Variants in MAGI1 observed in about 807,000 individuals in gnomAD.
The protein encoded by MAGI1 is membrane associated guanylate kinase, WW and PDZ domain containing 1.
A neutral mutation model predicts 139.9 loss-of-function variants in MAGI1; 58 were observed. The observed-to-expected ratio is 0.41, with a 90% CI of 0.34 to 0.52. The LOEUF (loss-of-function observed/expected upper bound fraction) is 0.52. Among genes scored for constraint, MAGI1 ranks in the 20% least tolerant of loss-of-function variants. The pLI is 0.12. For missense variants in MAGI1, 1,874 were observed against 1,901.6 expected (o/e 0.99, Z 0.27); for synonymous variants, 812 against 737.9 (o/e 1.10, Z -1.63).
chr3:65,595,448 T>C (rs190204391), intron 2 of MAGI1, among the ~76,000 whole-genome samples: 102 of 152,300 alleles, frequency 6.7e-4, no homozygotes, highest in Non-Finnish European at 1.2e-3. Flanking sequence ...GTAGTTCCAG[T>C]GGACACACCA....
intron 1 of MAGI1, among the ~76,000 whole-genome samples, chr3:65,945,658 T>C (rs1229824226): frequency 6.6e-6 from 1 of 152,228 alleles, no homozygotes; most frequent in Non-Finnish European, 1.5e-5. Flanking sequence ...AATGCCAAGG[T>C]GTAACCCATC....
At chr3:65,749,391 G>A (rs1179349578) in intron 1 of MAGI1, among the ~76,000 whole-genome samples, 1 of 152,114 alleles carries the variant, frequency 6.6e-6, no homozygotes, top group Non-Finnish European at 1.5e-5. Context: ...TGAGATGGGA[G>A]GCTATTATTC....
At chr3:65,626,663 A>T (rs1227525880) in intron 1 of MAGI1, among the ~76,000 whole-genome samples, 1 of 152,112 alleles carries the variant, frequency 6.6e-6, no homozygotes, top group African/African-American at 2.4e-5. Context: ...GTTTACACCT[A>T]AGCTTATATT....
intron 2 of MAGI1, among the ~76,000 whole-genome samples, chr3:65,608,588 C>A (rs1478699330): frequency 6.6e-6 from 1 of 151,742 alleles, no homozygotes; most frequent in Non-Finnish European, 1.5e-5. Flanking sequence ...AATGAGATAC[C>A]ACTGCACATC....
In MAGI1 at chr3:65,827,823, C is replaced by T. The variant is rs543679976; in HGVS notation, c.314-205735G>A. Among the ~76,000 whole-genome samples, 4 of 152,280 alleles carry T rather than the reference C, an allele frequency of 2.6e-5. No individual in the cohort carries two copies. In the South Asian group the frequency reaches 6.2e-4, roughly 24 times the overall value. On this transcript the variant is annotated intron_variant, in intron 1 of 22. Coordinates refer to ENST00000402939, the MANE Select transcript of MAGI1 (RefSeq NM_001033057.2). The stretch of plus-strand genomic sequence containing the variant: ...GTACTCAGAAGTATATTTATATTCA[C>T]ATTTATATAACATTTAAGTTATTTT...
chr3:65,455,341 C>A (rs1949320354), intron 5 of MAGI1, among the ~76,000 whole-genome samples: 1 of 152,154 alleles, frequency 6.6e-6, no homozygotes, highest in Non-Finnish European at 1.5e-5. Context: ...ACCTTCCAAC[C>A]ATTCCCCCCA....
intron 5 of MAGI1, among the ~76,000 whole-genome samples, chr3:65,460,031 G>A (rs541760259): frequency 3.3e-5 from 5 of 152,294 alleles, no homozygotes; most frequent in African/African-American, 1.2e-4. Flanking sequence ...TAAGTATAAC[G>A]TTGGTCATTG....
At chr3:65,543,228 G>A (rs112212236) in intron 2 of MAGI1, among the ~76,000 whole-genome samples, 17 of 152,222 alleles carry the variant, frequency 1.1e-4, no homozygotes, top group African/African-American at 3.9e-4. Context: ...TTAGAATGGC[G>A]ATCATTAAAA....
chr3:66,008,685 A>G (rs891699336), intron 1 of MAGI1: 5 of 141,670 alleles, frequency 3.5e-5, no homozygotes, highest in African/African-American at 1.2e-4. Context: ...ATGACTACAT[A>G]TTAAGTAGGA....
intron 2 of MAGI1, among the ~76,000 whole-genome samples, chr3:65,594,964 C>T (rs2082117676): frequency 1.3e-5 from 2 of 152,188 alleles, no homozygotes; most frequent in Admixed American, 1.3e-4. Context: ...TTATTGAAAT[C>T]ATTAAACAGG....
rs1455365390 is a variant in MAGI1 at position 65,825,832 on chromosome 3, A to G, written c.314-203744T>C. On this transcript the variant is annotated intron_variant, in intron 1 of 22. Transcript: ENST00000402939. ...GTGAAACCCCGTCTCCACTAAAAATATAAAAATTAGCCAGGCGTGGTGGTG... is the reference window on the plus strand; with the variant it reads ...GTGAAACCCCGTCTCCACTAAAAATGTAAAAATTAGCCAGGCGTGGTGGTG... Among the ~76,000 whole-genome samples, 4 of 152,096 alleles carry G rather than the reference A, an allele frequency of 2.6e-5. No homozygotes were observed. In the South Asian group the frequency reaches 6.2e-4, roughly 24 times the overall value.
At chr3:65,576,488 C>G (rs912957621) in intron 2 of MAGI1, among the ~76,000 whole-genome samples, 1 of 152,216 alleles carries the variant, frequency 6.6e-6, no homozygotes, top group Non-Finnish European at 1.5e-5. Flanking sequence ...TGAACCCGCT[C>G]TGCCATCCAG....
intron 1 of MAGI1, among the ~76,000 whole-genome samples, chr3:65,748,010 TAA>T (rs1228958961): frequency 2.0e-5 from 3 of 152,110 alleles, no homozygotes; most frequent in East Asian, 3.9e-4. Context: ...ACACAGTTTT[TAA>T]AAAGATATTG....
intron 2 of MAGI1, among the ~76,000 whole-genome samples, chr3:65,537,597 G>C (rs759785288): frequency 2.0e-5 from 3 of 152,138 alleles, no homozygotes; most frequent in Admixed American, 6.5e-5. Flanking sequence ...CTCTGAACAA[G>C]AGTCTTCAGA....
At chr3:65,619,602 C>A (rs1386672603) in intron 2 of MAGI1, among the ~76,000 whole-genome samples, 1 of 152,186 alleles carries the variant, frequency 6.6e-6, no homozygotes, top group Non-Finnish European at 1.5e-5. Context: ...CAAGAGAATG[C>A]ATTCCCCAAA....
rs557822772 is a variant in MAGI1 at position 65,498,711 on chromosome 3, A to C, written c.431-5080T>G. Among the ~76,000 whole-genome samples the C allele has an allele frequency of 3.3e-5, 5 of 152,298 alleles. No homozygotes were observed. In the East Asian group the frequency reaches 9.6e-4, roughly 29 times the overall value. ...TGTGACAGCAGCATCCCTCATCCTT[A>C]ACCATCACTGTCTGATGGAACCTGT... On this transcript the variant is annotated intron_variant, in intron 2 of 22. Transcript: ENST00000402939.
chr3:65,727,255 A>G (rs1488469021), intron 1 of MAGI1, among the ~76,000 whole-genome samples: 1 of 152,240 alleles, frequency 6.6e-6, no homozygotes, highest in African/African-American at 2.4e-5. Flanking sequence ...TTTAAATGGA[A>G]TTTTACCAGA....
chr3:65,800,164 C>T (rs961276730), intron 1 of MAGI1, among the ~76,000 whole-genome samples: 1 of 152,144 alleles, frequency 6.6e-6, no homozygotes, highest in Admixed American at 6.5e-5. Flanking sequence ...GAACAGGTGA[C>T]TTAACACATG....
intron 5 of MAGI1, among the ~76,000 whole-genome samples, chr3:65,468,274 G>C (rs1483916187): frequency 3.3e-5 from 5 of 151,432 alleles, no homozygotes; most frequent in Non-Finnish European, 7.4e-5. Context: ...ACAGAAACAT[G>C]GGTTGTCCCC....
Sources: allele counts gnomAD v4.1 joint callset (sites outside exome capture counted in the v4.1 genomes callset), GRCh38; gene constraint gnomAD v4.1.1; transcripts MANE v1.5; gene names NCBI Gene and HGNC (gene_info 2026-07-23, HGNC 2026-07-21).